HELZ2: variants seen among roughly 807,000 people sequenced by gnomAD.
HELZ2 encodes the protein 3'-5' exoribonuclease HELZ2.
Under a neutral mutation model 208.8 loss-of-function variants are expected in HELZ2, and 143 were observed. That is an observed-to-expected ratio of 0.68 (90% CI 0.60 to 0.79). The LOEUF is 0.79. Ranked by LOEUF, HELZ2 falls within the 30% of genes least tolerant of loss-of-function variation. The pLI is 0.00. For missense variants in HELZ2, 3,690 were observed against 3,794.5 expected (o/e 0.97, Z 0.72); for synonymous variants, 1,705 against 1,693.7 (o/e 1.01, Z -0.16).
exon 9 of HELZ2, chr20:63,562,336 C>T: frequency 1.9e-6 from 3 of 1,596,298 alleles, no homozygotes; most frequent in Non-Finnish European, 2.5e-6. Context: ...ATGCTGGTGA[C>T]CAGCGGGGAC....
chr20:63,570,967 A>C, intron 1 of HELZ2, 99 bp from the exon 3 acceptor site: 1 of 939,210 alleles, frequency 1.1e-6, no homozygotes, highest in Admixed American at 2.8e-5. Flanking sequence ...CTCTGTAGGG[A>C]GCAGGGGCTT....
At chr20:63,562,433 G>A (rs2082898941) in intron 8 of HELZ2, 51 bp from the exon 10 acceptor site, 2 of 1,537,682 alleles carry the variant, frequency 1.3e-6, no homozygotes, top group Middle Eastern at 1.7e-4. Flanking sequence ...CAGGAAAGGG[G>A]CTGCTGCCCC....
chr20:63,561,419 G>A (rs1569028619), exon 13 of HELZ2: 9 of 1,612,696 alleles, frequency 5.6e-6, no homozygotes, highest in African/African-American at 1.3e-5. Context: ...GATTTCCGAC[G>A]AGTAAGGGTT....
chr20:63,566,944 G>A (rs192208869), exon 6 of HELZ2: 291 of 1,610,896 alleles, frequency 1.8e-4, no homozygotes, highest in Admixed American at 3.3e-4. Flanking sequence ...GACGACCTGC[G>A]CAATCTCAGC....
In HELZ2 at chr20:63,569,605, C is replaced by A. The variant is rs754183010; in HGVS notation, c.631G>T (p.Ala211Ser). Residue 211 changes from alanine to serine, a missense_variant, in exon 4 of 19, where the codon GCT (alanine) becomes TCT (serine). Transcript: ENST00000467148. ...AGCCGGCCTGGCGGGAGGCCGGGAG[C>A]CACCAGAGAGAAGTCGGCTCCTGGC... The A allele has an allele frequency of 4.5e-6, 7 of 1,560,926 alleles. No homozygotes were observed. In the Admixed American group the frequency reaches 1.1e-4, roughly 25 times the overall value.
At position 63,570,380 on chromosome 20, in the gene HELZ2, C is replaced by T. The variant is rs543385082; in HGVS notation, c.570+124G>A. On this transcript the variant is annotated intron_variant, in intron 3 of 18. Coordinates refer to ENST00000467148, the Ensembl canonical transcript of HELZ2. ...AGGCTAAGGGACCTGCTGCAGGTCA[C>T]GCAGGTGCTGAGCGGCAGTGCCTCG... 6.9e-4 allele frequency: 543 copies of T among 789,412 alleles called. 5 individuals carry two copies. The highest frequency in any genetic ancestry group is 5.0e-3 in the South Asian group (344 of 68,198). The allele number at this position is 789,412 out of a possible 1,614,324, so 48.9% of individuals were successfully genotyped here. A position where few individuals can be genotyped will look rare whatever the true frequency, so the allele number is the denominator to read the frequency against.
chr20:63,563,452 G>A (rs1213142200), exon 8 of HELZ2: 2 of 1,525,190 alleles, frequency 1.3e-6, no homozygotes, highest in Non-Finnish European at 1.8e-6. Flanking sequence ...GGAGCCGCAG[G>A]CCCGGCCGGC....
chr20:63,562,852 C>T, exon 8 of HELZ2: 2 of 1,608,952 alleles, frequency 1.2e-6, no homozygotes, highest in South Asian at 1.1e-5. Context: ...GGAAGGCGGC[C>T]TCCAGGCGGA....
chr20:63,561,728 T>G, exon 12 of HELZ2: 1 of 1,606,602 alleles, frequency 6.2e-7, no homozygotes, highest in Non-Finnish European at 8.5e-7. Flanking sequence ...TTCAGCTCCA[T>G]CCTTCTCAGG....
At chr20:63,564,567 G>A in exon 8 of HELZ2, 1 of 1,568,170 alleles carries the variant, frequency 6.4e-7, no homozygotes, top group Non-Finnish European at 8.6e-7. Context: ...CGGCCAGGCA[G>A]GAGGCTGAGG....
In HELZ2 at chr20:63,562,362, C is replaced by T. The variant is rs150029913; in HGVS notation, c.6323G>A (p.Arg2108His). The change falls in exon 9 of 19, where the codon CGT (arginine) becomes CAT (histidine). Residue 2108 changes from arginine to histidine, a missense_variant. Transcript: ENST00000467148. Reference sequence around the variant, plus strand: ...CAGCGGGGACGCCTCCTCTAGTCCACGCACGGCTTCCTCCTTGCGGCTGGG... The same window carrying T: ...CAGCGGGGACGCCTCCTCTAGTCCATGCACGGCTTCCTCCTTGCGGCTGGG... 112 of 1,591,364 alleles carry T rather than the reference C, an allele frequency of 7.0e-5. No individual in the cohort carries two copies. The highest frequency in any genetic ancestry group is 8.3e-5 in the Non-Finnish European group (98 of 1,175,826).
chr20:63,573,388 G>A (rs935559195), upstream of HELZ2, among the ~76,000 whole-genome samples: 4 of 152,182 alleles, frequency 2.6e-5, no homozygotes, highest in Admixed American at 6.5e-5. The surrounding 1 kb of genome is among the most constrained non-coding windows in gnomAD (Gnocchi z 4.9). Context: ...CCACCCTGAC[G>A]CCCAAGTGGA....
chr20:63,569,316 C>A (rs368009458), exon 4 of HELZ2: 3 of 1,585,396 alleles, frequency 1.9e-6, no homozygotes. Context: ...CTCGGCCGTC[C>A]GCTCCACGCC....
chr20:63,563,474 T>A, exon 8 of HELZ2: 1 of 1,518,284 alleles, frequency 6.6e-7, no homozygotes. Flanking sequence ...TGCCAGGGCG[T>A]GGGGGTGCTC....
In HELZ2 at chr20:63,564,483, G is replaced by A. The variant is rs745711707; in HGVS notation, c.4339C>T (p.Pro1447Ser). ...TGGCGGTCAGACTGGACCACGGAGG[G>A]TGCAAAGCGCAGGCTCTTCAGCTGG... Residue 1447 changes from proline to serine, a missense_variant, in exon 8 of 19, where the codon CCC becomes TCC. Around this residue, in one of 3 missense-constraint regions of HELZ2, gnomAD observed 2,564 missense variants for 2,580.5 expected, o/e 0.99. Transcript: ENST00000467148. The A allele has an allele frequency of 7.0e-5, 111 of 1,586,058 alleles. No individual in the cohort carries two copies. The highest frequency in any genetic ancestry group is 9.0e-5 in the Non-Finnish European group (105 of 1,165,922).
At chr20:63,564,601 C>T (rs1305941910) in exon 8 of HELZ2, 2 of 1,566,868 alleles carry the variant, frequency 1.3e-6, no homozygotes, top group East Asian at 2.4e-5. Flanking sequence ...GGCTGGCCGG[C>T]AGCATGGGCA....
chr20:63,559,479 G>C (rs866371002), intron 18 of HELZ2, 109 bp from the exon 20 acceptor site: 61 of 613,102 alleles, frequency 9.9e-5, no homozygotes, highest in Admixed American at 4.5e-4. Flanking sequence ...CAGGTGGGAG[G>C]AGTCAGGGTC....
At chr20:63,571,585 G>A (rs112233288) in intron 1 of HELZ2, 196 of 65,466 alleles carry the variant, frequency 3.0e-3, no homozygotes, top group African/African-American at 3.9e-3. Context: ...GCTCCTGGGA[G>A]CCTCTGGCTC....
rs1487334466 is a variant in HELZ2 at position 63,569,802 on chromosome 20, C to T, written c.571-137G>A. ...TCCTGGATAGAACGCAAGCAGGCCA[C>T]CCGGCCTCTGCCATCCTCAGTTTCT... On this transcript the variant is annotated intron_variant, in intron 3 of 18. Coordinates refer to ENST00000467148, the Ensembl canonical transcript of HELZ2. 9.0e-6 allele frequency: 9 copies of T among 999,034 alleles called. No homozygotes were observed. The African/African-American group carries it at 1.5e-4, about 16-fold the overall frequency. 61.9% of individuals were successfully genotyped at this position (999,034 alleles called of 1,614,324 possible). A position where few individuals can be genotyped will look rare whatever the true frequency, so the allele number is the denominator to read the frequency against.
Sources: allele counts gnomAD v4.1 joint callset (sites outside exome capture counted in the v4.1 genomes callset), GRCh38; gene constraint gnomAD v4.1.1; regional missense constraint gnomAD v4.1.1; non-coding constraint Gnocchi (gnomAD v3.1); transcripts MANE v1.5; gene names NCBI Gene and HGNC (gene_info 2026-07-23, HGNC 2026-07-21).